The following SHB variants were observed in gnomAD, a reference collection of about 807,000 sequenced individuals.
The protein encoded by SHB is SH2 domain-containing adapter protein B.
Under a neutral mutation model 52.3 loss-of-function variants are expected in SHB, and 20 were observed. The ratio of observed to expected loss-of-function variants is 0.38; its 90% confidence interval spans 0.27 to 0.56. The LOEUF (loss-of-function observed/expected upper bound fraction) is 0.56, where lower values mean the gene tolerates loss of function less well. SHB is among the 20% of genes least tolerant of loss of function. SHB has a pLI of 0.71. For synonymous variants in SHB, 397 were observed against 316.5 expected (o/e 1.25, Z -2.70); for missense variants, 825 against 723.3 (o/e 1.14, Z -1.61).
chr9:37,942,676 G>A (rs1284348650), intron 5 of SHB, among the ~76,000 whole-genome samples: 1 of 152,266 alleles, frequency 6.6e-6, no homozygotes, highest in Non-Finnish European at 1.5e-5. Flanking sequence ...GGAAGGTGCA[G>A]TACCTTGCCC....
chr9:37,964,355 C>T (rs1832725844), intron 3 of SHB, among the ~76,000 whole-genome samples: 2 of 152,260 alleles, frequency 1.3e-5, no homozygotes, highest in African/African-American at 4.8e-5. Context: ...GGGATGGGGA[C>T]GGCGGGCCTG....
At chr9:37,991,159 G>A (rs1011443385) in intron 2 of SHB, among the ~76,000 whole-genome samples, 2 of 152,160 alleles carry the variant, frequency 1.3e-5, no homozygotes, top group Non-Finnish European at 2.9e-5. Flanking sequence ...CACTTGTTGA[G>A]GGTCTATGTG....
chr9:37,960,021 G>A (rs1036081934), intron 3 of SHB, among the ~76,000 whole-genome samples: 2 of 152,124 alleles, frequency 1.3e-5, no homozygotes, highest in Non-Finnish European at 2.9e-5. Context: ...AGATAAATTG[G>A]ATAAAAACTA....
chr9:38,014,545 GATCCAA>G (rs1487886011), intron 2 of SHB, among the ~76,000 whole-genome samples: 2 of 152,264 alleles, frequency 1.3e-5, no homozygotes, highest in Non-Finnish European at 2.9e-5. Context: ...CAGGACCCCA[GATCCAA>G]ACACAAGCTC....
chr9:38,022,543 T>G (rs1026029815), intron 1 of SHB, among the ~76,000 whole-genome samples: 2 of 152,060 alleles, frequency 1.3e-5, no homozygotes, highest in African/African-American at 4.8e-5. Context: ...AAATAGCATT[T>G]GGGGACGTGA....
chr9:37,998,511 G>C (rs1193264864), intron 2 of SHB, among the ~76,000 whole-genome samples: 2 of 152,188 alleles, frequency 1.3e-5, no homozygotes, highest in African/African-American at 4.8e-5. Context: ...GGAGTGCCGT[G>C]GCACGGTCTC....
intron 1 of SHB, among the ~76,000 whole-genome samples, chr9:38,051,440 TAAA>T (rs59860349): frequency 1.8e-4 from 19 of 107,508 alleles, no homozygotes; most frequent in South Asian, 3.2e-4. Flanking sequence ...AGACTCCGTC[TAAA>T]AAAAAAAAAA....
chr9:37,917,661 CTT>C lies in SHB; in HGVS notation c.*2158_*2159del, dbSNP rs1168453171. 3.3e-5 allele frequency among the ~76,000 whole-genome samples: 5 copies of C among 152,258 alleles called. No homozygotes were observed. The highest frequency in any genetic ancestry group is 1.2e-4 in the African/African-American group (5 of 41,468). On this transcript the variant is annotated 3_prime_UTR_variant, in exon 6 of 6. Coordinates refer to ENST00000377707, the MANE Select transcript of SHB (RefSeq NM_003028.3). Reference sequence around the variant, plus strand: ...GGCCAAGTGCCAACTCCTCACTCATCTTGTCATTTCCCACCTACCTTCCCACT... The same window carrying C: ...GGCCAAGTGCCAACTCCTCACTCATCGTCATTTCCCACCTACCTTCCCACT...
chr9:38,038,719 G>A (rs1484583440), intron 1 of SHB, among the ~76,000 whole-genome samples: 4 of 152,114 alleles, frequency 2.6e-5, no homozygotes, highest in Admixed American at 6.5e-5. Flanking sequence ...CTCCCTACTC[G>A]GGTCATGAGC....
intron 1 of SHB, among the ~76,000 whole-genome samples, chr9:38,022,467 T>C (rs1183422569): frequency 1.3e-5 from 2 of 152,234 alleles, no homozygotes. Context: ...CTCTTTGTCT[T>C]GGCTTGCCGG....
rs1178686655 is a variant in SHB, at chr9:37,917,627, CCT to C, written c.*2192_*2193del. 4.6e-5 allele frequency among the ~76,000 whole-genome samples: 7 copies of C among 152,246 alleles called. No individual in the cohort carries two copies. The highest frequency in any genetic ancestry group is 1.0e-4 in the Non-Finnish European group (7 of 68,040). On this transcript the variant is annotated 3_prime_UTR_variant, in exon 6 of 6. Coordinates refer to ENST00000377707, the MANE Select transcript of SHB (RefSeq NM_003028.3). Reference sequence around the variant, plus strand: ...GAGAATAAGCCTTGGGGTCCAGGCTCCTCTGTTTGGCCAAGTGCCAACTCCTC... The same window carrying C: ...GAGAATAAGCCTTGGGGTCCAGGCTCCTGTTTGGCCAAGTGCCAACTCCTC...
At position 38,027,638 on chromosome 9, in the gene SHB, A is replaced by G. The variant is rs566995201; in HGVS notation, c.718-11507T>C. Among the ~76,000 whole-genome samples the G allele has an allele frequency of 1.7e-4, 25 of 150,820 alleles. No homozygotes were observed. The South Asian group carries it at 5.1e-3, about 31-fold the overall frequency. On this transcript the variant is annotated intron_variant, in intron 1 of 5. Coordinates refer to ENST00000377707, the MANE Select transcript of SHB (RefSeq NM_003028.3). ...CCCATGGTGGGCAACTAGATGGAGC[A>G]TGATCTGACAGAGGAAACTCTGGGA...
intron 2 of SHB, among the ~76,000 whole-genome samples, chr9:37,982,922 G>T (rs372470228): frequency 6.6e-6 from 1 of 151,982 alleles, no homozygotes; most frequent in Non-Finnish European, 1.5e-5. Context: ...AAAAGGCCTG[G>T]GTTTGCTCGC....
chr9:38,064,450 T>C (rs1042983524), intron 1 of SHB, among the ~76,000 whole-genome samples: 1 of 152,152 alleles, frequency 6.6e-6, no homozygotes, highest in East Asian at 1.9e-4. Context: ...TTTATACACA[T>C]ACACACACGT....
chr9:38,032,962 A>G (rs1226597132), intron 1 of SHB, among the ~76,000 whole-genome samples: 3 of 152,186 alleles, frequency 2.0e-5, no homozygotes, highest in Non-Finnish European at 1.5e-5. Context: ...ACTAAGTACT[A>G]AGTGCTAAAA....
chr9:37,962,674 G>GT (rs879541039), intron 3 of SHB, among the ~76,000 whole-genome samples: 2,782 of 146,286 alleles, frequency 0.019, 34 homozygotes, highest in Non-Finnish European at 0.025. Context: ...GCTGGGCTAA[G>GT]TTTTTTTTTT....
intron 2 of SHB, among the ~76,000 whole-genome samples, chr9:38,006,760 C>T (rs4342708): frequency 0.43 from 65,452 of 152,090 alleles, 14,432 homozygotes; most frequent in Middle Eastern, 0.51. Context: ...GCCAGCAGCA[C>T]GGGGAAAACC....
At chr9:38,045,348 C>G (rs1821638107) in intron 1 of SHB, among the ~76,000 whole-genome samples, 1 of 152,166 alleles carries the variant, frequency 6.6e-6, no homozygotes, top group African/African-American at 2.4e-5. Context: ...CGCCTGTAAT[C>G]CCAGCACTCT....
At chr9:37,999,529 A>G (rs548283035) in intron 2 of SHB, among the ~76,000 whole-genome samples, 7 of 152,302 alleles carry the variant, frequency 4.6e-5, no homozygotes, top group Admixed American at 4.6e-4. Context: ...GATATCCCCT[A>G]GGGAGGCTAG....
Sources: allele counts gnomAD v4.1 joint callset (sites outside exome capture counted in the v4.1 genomes callset), GRCh38; gene constraint gnomAD v4.1.1; transcripts MANE v1.5; gene names NCBI Gene and HGNC (gene_info 2026-07-23, HGNC 2026-07-21).